GPC5: variants seen among roughly 807,000 people sequenced by gnomAD.
GPC5 encodes the protein glypican 5.
Under a neutral mutation model 53.9 loss-of-function variants are expected in GPC5, and 47 were observed. That is an observed-to-expected ratio of 0.87 (90% confidence interval 0.69 to 1.11). The LOEUF is 1.11. Among genes scored for constraint, GPC5 ranks in the 50% most tolerant of loss-of-function variants. The pLI is 0.00. For synonymous variants in GPC5, 286 were observed against 263.3 expected (o/e 1.09, Z -0.84); for missense variants, 748 against 713.1 (o/e 1.05, Z -0.56).
chr13:92,182,417 T>A (rs1003441396), intron 7 of GPC5, among the ~76,000 whole-genome samples: 2 of 152,220 alleles, frequency 1.3e-5, no homozygotes, highest in African/African-American at 4.8e-5. Flanking sequence ...GATAACTCAA[T>A]GTTTTGTTAA....
intron 2 of GPC5, among the ~76,000 whole-genome samples, chr13:91,545,066 ATTTGTGCC>A (rs1217554603): frequency 6.6e-6 from 1 of 152,172 alleles, no homozygotes. Flanking sequence ...AGGAGGAAAT[ATTTGTGCC>A]TTTTGTGAAC....
At chr13:91,644,372 A>C (rs1201171584) in intron 2 of GPC5, among the ~76,000 whole-genome samples, 1 of 152,180 alleles carries the variant, frequency 6.6e-6, no homozygotes, top group Non-Finnish European at 1.5e-5. Context: ...CTGAATCTGC[A>C]CTCTGACTGG....
At chr13:92,818,592 C>A (rs1207055043) in intron 7 of GPC5, among the ~76,000 whole-genome samples, 1 of 151,886 alleles carries the variant, frequency 6.6e-6, no homozygotes, top group African/African-American at 2.4e-5. Context: ...TGAAAGAGTA[C>A]AGGTTTCCAG....
At chr13:92,474,761 T>C (rs1879040022) in intron 7 of GPC5, among the ~76,000 whole-genome samples, 1 of 152,070 alleles carries the variant, frequency 6.6e-6, no homozygotes, top group South Asian at 2.1e-4. Context: ...AGTAACATAA[T>C]CCCAAGTCAG....
intron 6 of GPC5, among the ~76,000 whole-genome samples, chr13:92,058,711 T>G (rs2041096602): frequency 6.6e-6 from 1 of 152,086 alleles, no homozygotes; most frequent in African/African-American, 2.4e-5. Context: ...AGCCAGCTAA[T>G]TTTTGAATTT....
intron 6 of GPC5, among the ~76,000 whole-genome samples, chr13:91,923,052 G>A (rs1252577564): frequency 6.6e-6 from 1 of 152,018 alleles, no homozygotes; most frequent in African/African-American, 2.4e-5. Context: ...TTTAAAACCA[G>A]GTGCAGTCCT....
In GPC5 at chr13:91,712,556, A is replaced by C. The variant is rs192728688; in HGVS notation, c.1021-15976A>C. Among the ~76,000 whole-genome samples the C allele has an allele frequency of 1.9e-3, 286 of 152,310 alleles. 2 individuals are homozygous for C. The highest frequency in any genetic ancestry group is 6.5e-3 in the African/African-American group (269 of 41,572). ...AACAAACAATATAATCTATGTAATT[A>C]AAATGCACATCACAGTCATCAGTGA... is the stretch of plus-strand genomic sequence containing the variant. On this transcript the variant is annotated intron_variant, in intron 3 of 7. Transcript: ENST00000377067.
chr13:92,504,005 A>C (rs1880279956), intron 7 of GPC5, among the ~76,000 whole-genome samples: 1 of 151,970 alleles, frequency 6.6e-6, no homozygotes, highest in Admixed American at 6.6e-5. Flanking sequence ...AACTTAAAGA[A>C]GAGCTATTTT....
At chr13:92,646,554 T>C (rs1445603471) in intron 7 of GPC5, among the ~76,000 whole-genome samples, 2 of 152,146 alleles carry the variant, frequency 1.3e-5, no homozygotes, top group Non-Finnish European at 2.9e-5. Context: ...CAAAAATACC[T>C]GATGGGATTT....
chr13:91,595,293 C>A (rs75929980), intron 2 of GPC5, among the ~76,000 whole-genome samples: 1 of 152,034 alleles, frequency 6.6e-6, no homozygotes, highest in Non-Finnish European at 1.5e-5. Flanking sequence ...GGACTACAGG[C>A]GTGAGGCACC....
intron 7 of GPC5, among the ~76,000 whole-genome samples, chr13:92,704,535 T>A (rs1334377023): frequency 6.6e-6 from 1 of 152,034 alleles, no homozygotes; most frequent in East Asian, 1.9e-4. Context: ...AATACGGGAT[T>A]TCAAAATTCA....
rs531502677 is a variant in GPC5, at chr13:91,577,989, T to G, written c.326-115198T>G. 9.2e-5 allele frequency among the ~76,000 whole-genome samples: 14 copies of G among 152,340 alleles called. No homozygotes were observed. The South Asian group carries it at 2.7e-3, about 29-fold the overall frequency. Reference sequence around the variant, plus strand: ...AATGATAGTGTGTGATTTCTGTGGCTAGGCCATGAAAGATATTGTAGTTTC... The same window carrying G: ...AATGATAGTGTGTGATTTCTGTGGCGAGGCCATGAAAGATATTGTAGTTTC... On this transcript the variant is annotated intron_variant, in intron 2 of 7. Coordinates refer to ENST00000377067, the MANE Select transcript of GPC5 (RefSeq NM_004466.6).
At chr13:92,636,057 C>T (rs1885395461) in intron 7 of GPC5, among the ~76,000 whole-genome samples, 2 of 152,166 alleles carry the variant, frequency 1.3e-5, no homozygotes, top group South Asian at 4.1e-4. Flanking sequence ...CTTCTTTCTC[C>T]AGAAGGCTTC....
At chr13:92,022,969 TTTTCCTAAGATA>T (rs2040771101) in intron 6 of GPC5, among the ~76,000 whole-genome samples, 1 of 152,086 alleles carries the variant, frequency 6.6e-6, no homozygotes, top group Non-Finnish European at 1.5e-5. Flanking sequence ...TAACACTATA[TTTTCCTAAGATA>T]CTGTTCTGTG....
chr13:92,366,918 GC>G (rs2139288816), intron 7 of GPC5, among the ~76,000 whole-genome samples: 1 of 152,298 alleles, frequency 6.6e-6, no homozygotes, highest in East Asian at 1.9e-4. Context: ...TTGACCTATT[GC>G]AAAAATATTT....
At chr13:91,922,633 G>A (rs79136110) in intron 6 of GPC5, among the ~76,000 whole-genome samples, 1,880 of 151,938 alleles carry the variant, frequency 0.012, 18 homozygotes, top group Middle Eastern at 0.048. Context: ...TATGTTCCTT[G>A]GCACTCTGTA....
intron 5 of GPC5, among the ~76,000 whole-genome samples, chr13:91,877,860 G>A (rs146104015): frequency 0.051 from 7,798 of 152,210 alleles, 388 homozygotes; most frequent in East Asian, 0.21. Context: ...CACATGTTGT[G>A]GGAGGGACCC....
At chr13:92,168,440 C>A (rs565789890) in intron 7 of GPC5, among the ~76,000 whole-genome samples, 17 of 152,248 alleles carry the variant, frequency 1.1e-4, no homozygotes, top group African/African-American at 4.1e-4. Context: ...ATCTATCTAT[C>A]TGACAAAGTT....
chr13:91,458,948 G>A (rs977887024), intron 2 of GPC5, among the ~76,000 whole-genome samples: 3 of 152,050 alleles, frequency 2.0e-5, no homozygotes, highest in African/African-American at 7.2e-5. Context: ...TCTAAGTAAA[G>A]TAACTCAGGA....
Sources: gnomAD v4.1 joint callset for allele counts (sites outside exome capture counted in the v4.1 genomes callset) on GRCh38, gnomAD v4.1.1 for gene constraint, MANE v1.5 for transcripts, NCBI Gene and HGNC (gene_info 2026-07-23, HGNC 2026-07-21) for gene names.